OR4M1: variants seen among roughly 807,000 people sequenced by gnomAD.
OR4M1 encodes olfactory receptor 4M1.
In OR4M1, 7 loss-of-function variants were observed where a neutral mutation model predicts 9.8. That is an observed-to-expected ratio of 0.71 (90% CI 0.41 to 1.34). The LOEUF (loss-of-function observed/expected upper bound fraction) is 1.34, where lower values mean the gene tolerates loss of function less well. Among genes scored for constraint, OR4M1 ranks in the 40% most tolerant of loss-of-function variants. The pLI, the probability that OR4M1 is intolerant of heterozygous loss-of-function variation, is 0.01. For missense variants in OR4M1, 331 were observed against 380.4 expected (o/e 0.87, Z 1.08); for synonymous variants, 121 against 139.8 (o/e 0.87, Z 0.95).
chr14:19,777,763 C>A (rs1231514493), intron 1 of OR4M1, among the ~76,000 whole-genome samples: 1 of 152,178 alleles, frequency 6.6e-6, no homozygotes. Flanking sequence ...CATTAAATGA[C>A]AAGTGCTGGA....
chr14:19,780,169 T>C (rs1355103900), intron 1 of OR4M1, 125 bp from the exon 2 acceptor site: 1 of 838,814 alleles, frequency 1.2e-6, no homozygotes, highest in African/African-American at 1.7e-5. Flanking sequence ...AAATATAAAA[T>C]GGGCAACCAA....
chr14:19,775,661 T>G (rs1332548270), intron 1 of OR4M1, among the ~76,000 whole-genome samples: 1 of 145,728 alleles, frequency 6.9e-6, no homozygotes, highest in Non-Finnish European at 1.5e-5. Context: ...TTCAATATAT[T>G]CAAGTAAATT....
chr14:19,777,884 T>C (rs1263701624), intron 1 of OR4M1, among the ~76,000 whole-genome samples: 4 of 151,338 alleles, frequency 2.6e-5, no homozygotes, highest in Middle Eastern at 3.4e-3. Flanking sequence ...TAGTGGTATG[T>C]GTGTGTGTGT....
rs1235238513 is a variant in OR4M1 at position 19,781,359 on chromosome 14, ATT to A, written c.*97_*98del. The A allele has an allele frequency of 1.7e-5, 19 of 1,114,900 alleles. No individual in the cohort carries two copies. The African/African-American group carries it at 2.2e-4, about 13-fold the overall frequency. 69.1% of individuals were successfully genotyped at this position (1,114,900 alleles called of 1,614,324 possible). On this transcript the variant is annotated 3_prime_UTR_variant, in exon 2 of 2. Coordinates refer to ENST00000641200, the MANE Select transcript of OR4M1 (RefSeq NM_001005500.2). ...AATGCTGCATTCACTTCCTCCGTTC[ATT>A]TGTGTTCTTAAAATTTTACTATAAT...
rs142051783 is a variant in OR4M1, at chr14:19,781,021, G to A, written c.699G>A (p.Glu233=). The change falls in exon 2 of 2, where the codon GAG becomes GAA. Residue 233 remains glutamate, a synonymous_variant. Coordinates refer to ENST00000641200, the MANE Select transcript of OR4M1 (RefSeq NM_001005500.2). ...TCAAGAAACATTCAGGCTCAGGTGA[G>A]AATACCAACAGGGCCATGTCCACCT... ...ALLKKHSGSG[E]NTNRAMSTCY... is the part of the protein sequence containing the mutation. 1.7e-5 allele frequency: 27 copies of A among 1,614,004 alleles called. No homozygotes were observed. In the African/African-American group the frequency reaches 2.3e-4, roughly 14 times the overall value.
intron 1 of OR4M1, among the ~76,000 whole-genome samples, chr14:19,779,344 T>G (rs1878398052): frequency 6.6e-6 from 1 of 152,234 alleles, no homozygotes; most frequent in East Asian, 1.9e-4. Flanking sequence ...TATTTGCTGT[T>G]GGTTACAACA....
At chr14:19,775,629 T>C (rs1417544974) in intron 1 of OR4M1, among the ~76,000 whole-genome samples, 1 of 147,178 alleles carries the variant, frequency 6.8e-6, no homozygotes, top group Non-Finnish European at 1.5e-5. Context: ...TTATATTATA[T>C]ATAAAATATA....
chr14:19,780,190 A>G (rs1393251214), intron 1 of OR4M1, 104 bp from the exon 2 acceptor site: 18 of 1,026,548 alleles, frequency 1.8e-5, no homozygotes, highest in South Asian at 3.4e-5. Flanking sequence ...ATGTATCCTC[A>G]TGTAATCTGT....
chr14:19,778,751 A>G (rs1779263568), intron 1 of OR4M1, among the ~76,000 whole-genome samples: 1 of 152,216 alleles, frequency 6.6e-6, no homozygotes, highest in Non-Finnish European at 1.5e-5. Context: ...CCTTCAGGTA[A>G]GTACAGTAAG....
chr14:19,776,445 T>TG (rs1442461501), intron 1 of OR4M1, among the ~76,000 whole-genome samples: 1 of 152,230 alleles, frequency 6.6e-6, no homozygotes, highest in African/African-American at 2.4e-5. Flanking sequence ...ACCCTCTAGG[T>TG]ACTACGTCCC....
chr14:19,775,364 G>T (rs1476666617), intron 1 of OR4M1, among the ~76,000 whole-genome samples: 1 of 152,032 alleles, frequency 6.6e-6, no homozygotes, highest in Non-Finnish European at 1.5e-5. Flanking sequence ...ATTTGTTTGT[G>T]GCTCCTGGCC....
chr14:19,775,778 CAT>C (rs1194996130), intron 1 of OR4M1, among the ~76,000 whole-genome samples: 49 of 142,026 alleles, frequency 3.5e-4, no homozygotes, highest in Non-Finnish European at 5.6e-4. Context: ...ACTTTAATAA[CAT>C]ATTAAAGTAT....
chr14:19,778,564 A>G (rs1182120510), intron 1 of OR4M1, among the ~76,000 whole-genome samples: 1 of 152,246 alleles, frequency 6.6e-6, no homozygotes, highest in Non-Finnish European at 1.5e-5. Flanking sequence ...GTAAATCATA[A>G]TATTTCAGAT....
rs540588614 is a variant in OR4M1, at chr14:19,783,532, TTG to T, written c.*2272_*2273del. Reference sequence around the variant, plus strand: ...ATAGGTGTTAACCTCATATGCAATGTTGTGTCATTGAATATTGTTTCCAAATA... The same window carrying T: ...ATAGGTGTTAACCTCATATGCAATGTTGTCATTGAATATTGTTTCCAAATA... On this transcript the variant is annotated 3_prime_UTR_variant, in exon 2 of 2. Coordinates refer to ENST00000641200, the MANE Select transcript of OR4M1 (RefSeq NM_001005500.2). 5.2e-5 allele frequency: 8 copies of T among 152,420 alleles called. No individual in the cohort carries two copies. The highest frequency in any genetic ancestry group is 1.9e-4 in the African/African-American group (8 of 41,600). 9.4% of individuals were successfully genotyped at this position (152,420 alleles called of 1,614,324 possible).
chr14:19,777,348 C>T (rs941148917), intron 1 of OR4M1, among the ~76,000 whole-genome samples: 1 of 151,864 alleles, frequency 6.6e-6, no homozygotes, highest in African/African-American at 2.4e-5. Context: ...TGCTTTTCTT[C>T]AAACTTTCAA....
Position 19,782,877 on chromosome 14 carries a change from A to T in OR4M1, c.*1613A>T, listed in dbSNP as rs1010090893. 1.1e-4 allele frequency: 16 copies of T among 151,810 alleles called. No individual in the cohort carries two copies. Among genetic ancestry groups the T allele is most frequent in the African/African-American group, 3.9e-4 (16 of 41,524 alleles). The allele number at this position is 151,810 out of a possible 1,614,324, so 9.4% of individuals were successfully genotyped here. A position where few individuals can be genotyped will look rare whatever the true frequency, so the allele number is the denominator to read the frequency against. On this transcript the variant is annotated 3_prime_UTR_variant, in exon 2 of 2. Coordinates refer to ENST00000641200, the MANE Select transcript of OR4M1 (RefSeq NM_001005500.2). Reference sequence around the variant, plus strand: ...AAAAGATATATATATATAATATGATAAAATGATGAGTTATGTTTCTAAATC... The same window carrying T: ...AAAAGATATATATATATAATATGATTAAATGATGAGTTATGTTTCTAAATC...
In OR4M1 at chr14:19,783,188, C is replaced by G. The variant is rs377691351; in HGVS notation, c.*1924C>G. ...TAATATCAATGAAGAAAAAGGGGAA[C>G]TTTTGGCAAACTCTAGTAAGTAATA... On this transcript the variant is annotated 3_prime_UTR_variant, in exon 2 of 2. Transcript: ENST00000641200. The G allele has an allele frequency of 6.6e-6, 1 of 152,244 alleles. No individual in the cohort carries two copies. Among genetic ancestry groups the G allele is most frequent in the Non-Finnish European group, 1.5e-5 (1 of 68,060 alleles). The allele number at this position is 152,244 out of a possible 1,614,324, so 9.4% of individuals were successfully genotyped here. A position where few individuals can be genotyped will look rare whatever the true frequency, so the allele number is the denominator to read the frequency against.
intron 1 of OR4M1, among the ~76,000 whole-genome samples, chr14:19,775,411 C>T (rs572831173): frequency 6.6e-6 from 1 of 152,020 alleles, no homozygotes; most frequent in Non-Finnish European, 1.5e-5. Context: ...AATAGCCACC[C>T]TGCAGGCTGC....
chr14:19,774,205 T>C (rs1259289123), intron 1 of OR4M1, among the ~76,000 whole-genome samples: 1 of 152,238 alleles, frequency 6.6e-6, no homozygotes, highest in African/African-American at 2.4e-5. Context: ...TAAATGTGGG[T>C]GAAATATGTA....
Sources: allele counts gnomAD v4.1 joint callset (sites outside exome capture counted in the v4.1 genomes callset), GRCh38; gene constraint gnomAD v4.1.1; transcripts MANE v1.5; gene names NCBI Gene and HGNC (gene_info 2026-07-23, HGNC 2026-07-21).